The following ADCY2 variants were observed in gnomAD, a reference collection of about 807,000 sequenced individuals.
The protein encoded by ADCY2 is adenylate cyclase 2.
A neutral mutation model predicts 125.2 loss-of-function variants in ADCY2; 31 were observed. The ratio of observed to expected loss-of-function variants is 0.25; its 90% CI spans 0.19 to 0.33. ADCY2 has a LOEUF of 0.33. Among genes scored for constraint, ADCY2 ranks in the 10% least tolerant of loss-of-function variants. ADCY2 has a pLI of 1.00. For missense variants in ADCY2, 904 were observed against 1,418.2 expected (o/e 0.64, Z 5.82); for synonymous variants, 512 against 548.4 (o/e 0.93, Z 0.93).
At chr5:7,767,142 A>G (rs927079655) in intron 17 of ADCY2, among the ~76,000 whole-genome samples, 2 of 152,170 alleles carry the variant, frequency 1.3e-5, no homozygotes, top group East Asian at 1.9e-4. Context: ...TTACTTAGAG[A>G]CATTGCTAAT....
At chr5:7,762,039 A>G (rs1351608278) in intron 16 of ADCY2, among the ~76,000 whole-genome samples, 5 of 152,186 alleles carry the variant, frequency 3.3e-5, no homozygotes, top group Admixed American at 6.5e-5. Context: ...GATTTTCCAC[A>G]TACCAAGCTG....
At position 7,722,353 on chromosome 5, in the gene ADCY2, G is replaced by A. The variant is rs563360105; in HGVS notation, c.1704-2192G>A. ...CACTTCCTTGATTTCACTCTCACTC[G>A]CAAGCTGACATTTTCCAGGAGCATT... On this transcript the variant is annotated intron_variant, in intron 12 of 24. Coordinates refer to ENST00000338316, the MANE Select transcript of ADCY2 (RefSeq NM_020546.3). 2.6e-5 allele frequency among the ~76,000 whole-genome samples: 4 copies of A among 152,244 alleles called. No individual in the cohort carries two copies. In the East Asian group the frequency reaches 5.8e-4, roughly 22 times the overall value.
At chr5:7,748,157 A>G (rs968722762) in intron 15 of ADCY2, among the ~76,000 whole-genome samples, 5 of 152,114 alleles carry the variant, frequency 3.3e-5, no homozygotes, top group African/African-American at 7.2e-5. Context: ...ATTGCCAGCT[A>G]TTCTCAGGCA....
intron 22 of ADCY2, among the ~76,000 whole-genome samples, chr5:7,815,396 G>T (rs966665537): frequency 6.6e-6 from 1 of 152,130 alleles, no homozygotes; most frequent in African/African-American, 2.4e-5. Context: ...GCCTGGGACC[G>T]CATGTCATTG....
Position 7,709,535 on chromosome 5 carries a change from A to C in ADCY2, c.1578+148A>C. On this transcript the variant is annotated intron_variant, in intron 10 of 24. Coordinates refer to ENST00000338316, the MANE Select transcript of ADCY2 (RefSeq NM_020546.3). The surrounding 1 kb of genome is among the most constrained non-coding windows in gnomAD (Gnocchi z 4.4). Reference sequence around the variant, plus strand: ...CTTCTCAGAGAGGCCCTTATGAACAACCATCAGGGTATGAGTGAGCTCCAT... The same window carrying C: ...CTTCTCAGAGAGGCCCTTATGAACACCCATCAGGGTATGAGTGAGCTCCAT... 2 of 962,306 alleles carry C rather than the reference A, an allele frequency of 2.1e-6. No individual in the cohort carries two copies. Among genetic ancestry groups the C allele is most frequent in the Non-Finnish European group, 3.0e-6 (2 of 671,232 alleles). 59.6% of individuals were successfully genotyped at this position (962,306 alleles called of 1,614,324 possible).
At chr5:7,520,631 G>A in intron 2 of ADCY2, 107 bp from the exon 3 acceptor site, 1 of 1,201,356 alleles carries the variant, frequency 8.3e-7, no homozygotes, top group South Asian at 1.4e-5. Flanking sequence ...TTTCTAAAAT[G>A]AGCATGTCTC....
At chr5:7,751,474 C>T (rs1213061646) in intron 15 of ADCY2, among the ~76,000 whole-genome samples, 1 of 152,160 alleles carries the variant, frequency 6.6e-6, no homozygotes, top group African/African-American at 2.4e-5. Context: ...GTATCATTTA[C>T]CAGCAGTGTC....
intron 15 of ADCY2, among the ~76,000 whole-genome samples, chr5:7,756,142 C>T (rs565474176): frequency 7.2e-5 from 11 of 152,336 alleles, no homozygotes; most frequent in Admixed American, 5.9e-4. Flanking sequence ...TATCAGATAA[C>T]GTATGCAAAT....
chr5:7,434,581 C>A (rs1392553925), intron 2 of ADCY2, among the ~76,000 whole-genome samples: 1 of 152,210 alleles, frequency 6.6e-6, no homozygotes. Flanking sequence ...CATATAAACT[C>A]CACATGCTCT....
At chr5:7,583,482 A>C (rs1048013156) in intron 3 of ADCY2, among the ~76,000 whole-genome samples, 22 of 152,076 alleles carry the variant, frequency 1.4e-4, no homozygotes, top group African/African-American at 5.3e-4. Flanking sequence ...CCAATAGATC[A>C]ATGTCCCATA....
At position 7,589,530 on chromosome 5, in the gene ADCY2, G is replaced by GAAAAGA. The variant is rs1561112741; in HGVS notation, c.571-36634_571-36633insAGAAAA. ...AGAAAGAAAAGAAAAGAAAGAGAAAGAAAGAAAGGAGGGAGGGAAGGAGGA... is the reference window on the plus strand; with the variant it reads ...AGAAAGAAAAGAAAAGAAAGAGAAAGAAAAGAAAAGAAAGGAGGGAGGGAAGGAGGA... On this transcript the variant is annotated intron_variant, in intron 3 of 24. Coordinates refer to ENST00000338316, the MANE Select transcript of ADCY2 (RefSeq NM_020546.3). Among the ~76,000 whole-genome samples, 3 of 131,000 alleles carry GAAAAGA rather than the reference G, an allele frequency of 2.3e-5. No homozygotes were observed. In the East Asian group the frequency reaches 7.2e-4, roughly 31 times the overall value. 85.9% of individuals were successfully genotyped at this position (131,000 alleles called of 152,430 possible). A position where few individuals can be genotyped will look rare whatever the true frequency, so the allele number is the denominator to read the frequency against.
At chr5:7,600,023 C>T (rs988285536) in intron 3 of ADCY2, among the ~76,000 whole-genome samples, 1 of 152,100 alleles carries the variant, frequency 6.6e-6, no homozygotes, top group African/African-American at 2.4e-5. Flanking sequence ...ACAAGGAGCA[C>T]CCAGGCAGTT....
At chr5:7,499,648 G>GATAGATAT (rs1554014327) in intron 2 of ADCY2, among the ~76,000 whole-genome samples, 2 of 118,430 alleles carry the variant, frequency 1.7e-5, no homozygotes, top group Admixed American at 9.1e-5. Context: ...TATGTGGGTG[G>GATAGATAT]ATATATATAT....
chr5:7,622,781 C>A (rs1215358791), intron 3 of ADCY2, among the ~76,000 whole-genome samples: 1 of 152,212 alleles, frequency 6.6e-6, no homozygotes, highest in Non-Finnish European at 1.5e-5. Flanking sequence ...GAAACGTTGG[C>A]CTGGTCAGCT....
At chr5:7,669,164 T>A (rs1337683376) in intron 4 of ADCY2, among the ~76,000 whole-genome samples, 1 of 152,238 alleles carries the variant, frequency 6.6e-6, no homozygotes, top group Admixed American at 6.5e-5. Context: ...ACAAAAGGAA[T>A]CAAGAGTGTA....
intron 4 of ADCY2, among the ~76,000 whole-genome samples, chr5:7,631,775 G>C (rs1246576233): frequency 6.6e-6 from 1 of 152,176 alleles, no homozygotes; most frequent in Non-Finnish European, 1.5e-5. Context: ...GATCCCTCCA[G>C]GGTCAGCTTT....
intron 2 of ADCY2, among the ~76,000 whole-genome samples, chr5:7,493,117 G>A (rs1180370757): frequency 2.0e-5 from 3 of 152,086 alleles, no homozygotes; most frequent in African/African-American, 7.2e-5. Flanking sequence ...TGTAAGAGAA[G>A]GTCAAGGAGT....
At chr5:7,738,845 G>A (rs1742326636) in intron 14 of ADCY2, among the ~76,000 whole-genome samples, 2 of 151,922 alleles carry the variant, frequency 1.3e-5, no homozygotes, top group Admixed American at 6.5e-5. Context: ...CATAAAATGT[G>A]CTTATACCTA....
Position 7,709,503 on chromosome 5 carries a change from CCTT to C in ADCY2, c.1578+125_1578+127del, listed in dbSNP as rs948442367. ...CTTTCTGTAAGAAACAAACTTATCA[CCTT>C]CTTCTTCTCAGAGAGGCCCTTATGA... On this transcript the variant is annotated intron_variant, in intron 10 of 24. Coordinates refer to ENST00000338316, the MANE Select transcript of ADCY2 (RefSeq NM_020546.3). The surrounding 1 kb of genome is among the most constrained non-coding windows in gnomAD (Gnocchi z 4.4). 23 of 1,227,102 alleles carry C rather than the reference CCTT, an allele frequency of 1.9e-5. No individual in the cohort carries two copies. The highest frequency in any genetic ancestry group is 1.5e-4 in the South Asian group (9 of 61,122). The allele number at this position is 1,227,102 out of a possible 1,614,324, so 76.0% of individuals were successfully genotyped here.
Sources: allele counts gnomAD v4.1 joint callset (sites outside exome capture counted in the v4.1 genomes callset), GRCh38; gene constraint gnomAD v4.1.1; non-coding constraint Gnocchi (gnomAD v3.1); transcripts MANE v1.5; gene names NCBI Gene and HGNC (gene_info 2026-07-23, HGNC 2026-07-21).